The following ADAMTS17 variants were observed in gnomAD, a reference collection of about 807,000 sequenced individuals.
ADAMTS17 encodes the protein ADAM metallopeptidase with thrombospondin type 1 motif 17.
ADAMTS17 carries 113 observed loss-of-function variants against 141.5 expected under a neutral mutation model. The ratio of observed to expected loss-of-function variants is 0.80; its 90% confidence interval spans 0.69 to 0.93. The LOEUF (loss-of-function observed/expected upper bound fraction) is 0.93, where lower values mean the gene tolerates loss of function less well. Ranked by LOEUF, ADAMTS17 falls within the 40% of genes least tolerant of loss-of-function variation. The pLI is 0.00. For synonymous variants in ADAMTS17, 768 were observed against 630.6 expected (o/e 1.22, Z -3.27); for missense variants, 1,659 against 1,517.9 (o/e 1.09, Z -1.54).
At chr15:99,979,316 G>T (rs2060433357) in intron 20 of ADAMTS17, 1 of 152,096 alleles carries the variant, frequency 6.6e-6, no homozygotes, top group Non-Finnish European at 1.5e-5. Context: ...TTGAACCCAG[G>T]AGGTGGAGGT....
At chr15:100,081,942 AT>A (rs1268312953) in intron 15 of ADAMTS17, among the ~76,000 whole-genome samples, 1 of 152,264 alleles carries the variant, frequency 6.6e-6, no homozygotes, top group Non-Finnish European at 1.5e-5. Context: ...AGTTTAAAAA[AT>A]GTCCATAACA....
chr15:100,077,193 C>T (rs1326914635), intron 15 of ADAMTS17, among the ~76,000 whole-genome samples: 1 of 145,080 alleles, frequency 6.9e-6, no homozygotes, highest in African/African-American at 2.5e-5. Context: ...CCTGTAATCC[C>T]AGCAGTTTGG....
At chr15:100,232,814 C>T (rs866002141) in intron 7 of ADAMTS17, among the ~76,000 whole-genome samples, 2 of 152,132 alleles carry the variant, frequency 1.3e-5, no homozygotes, top group African/African-American at 2.4e-5. Context: ...ATGGAATTTG[C>T]GTCTTCAGGT....
intron 18 of ADAMTS17, among the ~76,000 whole-genome samples, chr15:100,017,892 G>A (rs2061322385): frequency 6.6e-6 from 1 of 152,108 alleles, no homozygotes; most frequent in Non-Finnish European, 1.5e-5. Flanking sequence ...CATTATGTGT[G>A]TTTTTTTGTC....
At chr15:100,026,752 G>A (rs2061522763) in intron 18 of ADAMTS17, among the ~76,000 whole-genome samples, 1 of 152,198 alleles carries the variant, frequency 6.6e-6, no homozygotes, top group Non-Finnish European at 1.5e-5. Context: ...AATTGGATTT[G>A]TCAGCCTCTT....
intron 3 of ADAMTS17, among the ~76,000 whole-genome samples, chr15:100,307,634 G>A (rs2045268941): frequency 6.6e-6 from 1 of 152,206 alleles, no homozygotes; most frequent in Non-Finnish European, 1.5e-5. Context: ...GCCCCTTCAT[G>A]TTTATCCAGC....
At chr15:100,306,489 T>C in intron 3 of ADAMTS17, 1 of 455,922 alleles carries the variant, frequency 2.2e-6, no homozygotes, top group South Asian at 1.5e-5. Flanking sequence ...GTCATCCACC[T>C]CCAGGCCAGA....
Position 100,003,680 on chromosome 15 carries a change from G to A in ADAMTS17, c.2592-6091C>T, listed in dbSNP as rs531679650. 5.5e-4 allele frequency among the ~76,000 whole-genome samples: 83 copies of A among 152,230 alleles called. 1 individual carries two copies. The highest frequency in any genetic ancestry group is 1.7e-3 in the African/African-American group (69 of 41,462). On this transcript the variant is annotated intron_variant, in intron 18 of 21. Coordinates refer to ENST00000268070, the MANE Select transcript of ADAMTS17 (RefSeq NM_139057.4). ...AATAAAGTGTAGTATATGCATACAA[G>A]GGAATATTATTTAGTTGTCAAAAAG... is the stretch of plus-strand genomic sequence containing the variant.
At chr15:100,249,724 G>A (rs747667996) in intron 7 of ADAMTS17, among the ~76,000 whole-genome samples, 5 of 152,232 alleles carry the variant, frequency 3.3e-5, no homozygotes, top group Admixed American at 2.6e-4. Flanking sequence ...ACTGGGCAGT[G>A]GAGACAAATG....
chr15:100,290,945 A>G (rs553826631), intron 3 of ADAMTS17, among the ~76,000 whole-genome samples: 2 of 152,336 alleles, frequency 1.3e-5, no homozygotes, highest in Non-Finnish European at 2.9e-5. Context: ...CCTCCTTACC[A>G]AAGATTTCAT....
chr15:100,069,953 T>C (rs2033848240), intron 15 of ADAMTS17, among the ~76,000 whole-genome samples: 2 of 150,124 alleles, frequency 1.3e-5, no homozygotes, highest in African/African-American at 4.9e-5. Context: ...ACTAGCAAAC[T>C]GGATAAAGAG....
intron 13 of ADAMTS17, among the ~76,000 whole-genome samples, chr15:100,115,100 A>G (rs1289034491): frequency 6.6e-6 from 1 of 152,186 alleles, no homozygotes; most frequent in East Asian, 1.9e-4. Context: ...GAGGTCTAAA[A>G]GTATCTTTAT....
At chr15:100,157,409 TA>T (rs1267692686) in intron 8 of ADAMTS17, among the ~76,000 whole-genome samples, 1 of 152,248 alleles carries the variant, frequency 6.6e-6, no homozygotes, top group East Asian at 1.9e-4. Context: ...AATGTCTTGT[TA>T]TTTCTCCACT....
intron 14 of ADAMTS17, among the ~76,000 whole-genome samples, chr15:100,108,715 G>T (rs1401408770): frequency 6.6e-6 from 1 of 152,172 alleles, no homozygotes; most frequent in Non-Finnish European, 1.5e-5. Context: ...CCTTCGTCTT[G>T]GTCATGATGT....
intron 8 of ADAMTS17, among the ~76,000 whole-genome samples, chr15:100,198,601 T>G (rs2141630152): frequency 6.6e-6 from 1 of 152,338 alleles, no homozygotes; most frequent in African/African-American, 2.4e-5. Context: ...AATCTTTCCT[T>G]CAGAGAAACA....
intron 20 of ADAMTS17, among the ~76,000 whole-genome samples, chr15:99,983,377 C>T (rs759355051): frequency 5.3e-5 from 8 of 152,136 alleles, no homozygotes; most frequent in Non-Finnish European, 8.8e-5. Flanking sequence ...TCCCAAGCCA[C>T]ACAGCTAGCC....
At chr15:100,001,693 G>A (rs528194805) in intron 18 of ADAMTS17, among the ~76,000 whole-genome samples, 11 of 152,112 alleles carry the variant, frequency 7.2e-5, no homozygotes, top group East Asian at 5.8e-4. Context: ...AGTCTAGGCC[G>A]GGCACAGTGG....
At chr15:100,045,285 CTT>C (rs1182255346) in intron 18 of ADAMTS17, among the ~76,000 whole-genome samples, 2 of 151,952 alleles carry the variant, frequency 1.3e-5, no homozygotes, top group Non-Finnish European at 2.9e-5. Context: ...ATAATTGAGA[CTT>C]ATAATCTCTT....
rs1381288015 is a variant in ADAMTS17 at position 100,096,450 on chromosome 15, C to T, written c.2043G>A (p.Gly681=). The change falls in exon 15 of 22, where the codon GGG becomes GGA. Residue 681 remains glycine (G), a synonymous_variant. Coordinates refer to ENST00000268070, the MANE Select transcript of ADAMTS17 (RefSeq NM_139057.4). The part of the protein sequence containing the change: ...CQKIGCDGII[G]SAAKEDRCGV... ...CGCATCTGTCCTCTTTGGCTGCAGACCCGATGATGCCGTCACAGCCGATTT... is the reference window on the plus strand; with the variant it reads ...CGCATCTGTCCTCTTTGGCTGCAGATCCGATGATGCCGTCACAGCCGATTT... 6.2e-7 allele frequency: 1 copy of T among 1,614,166 alleles called. No individual in the cohort carries two copies. Among genetic ancestry groups the T allele is most frequent in the African/African-American group, 1.3e-5 (1 of 75,042 alleles).
Sources: gnomAD v4.1 joint callset for allele counts (sites outside exome capture counted in the v4.1 genomes callset) on GRCh38, gnomAD v4.1.1 for gene constraint, MANE v1.5 for transcripts, NCBI Gene and HGNC (gene_info 2026-07-23, HGNC 2026-07-21) for gene names.